The following ADCY9 variants were observed in gnomAD, a reference collection of about 807,000 sequenced individuals.
ADCY9 encodes adenylate cyclase 9, also known as adenylate cyclase type 9.
Under a neutral mutation model 101.5 loss-of-function variants are expected in ADCY9, and 50 were observed. That is an observed-to-expected ratio of 0.49 (90% confidence interval 0.39 to 0.62). ADCY9 has a LOEUF of 0.62. Among genes scored for constraint, ADCY9 ranks in the 20% least tolerant of loss-of-function variants. The pLI, the probability that ADCY9 is intolerant of heterozygous loss-of-function variation, is 0.00. For missense variants in ADCY9, 1,662 were observed against 1,800.4 expected (o/e 0.92, Z 1.39); for synonymous variants, 905 against 769.3 (o/e 1.18, Z -2.92).
chr16:3,979,279 C>A lies in ADCY9; in HGVS notation c.2520-4G>T, dbSNP rs756622742. On this transcript the variant is annotated splice_polypyrimidine_tract_variant and splice_region_variant and intron_variant, in intron 7 of 10. Transcript: ENST00000294016. The stretch of plus-strand genomic sequence containing the variant: ...GTCCTCCAGGAAGAACACCATCCTG[C>A]GAGAGGCATGGGGGTTAGCAGGAGC... The A allele has an allele frequency of 1.9e-6, 3 of 1,613,444 alleles. No individual in the cohort carries two copies. Among genetic ancestry groups the A allele is most frequent in the Middle Eastern group, 1.7e-4 (1 of 6,040 alleles).
chr16:3,967,948 C>T (rs2056014218), intron 10 of ADCY9, among the ~76,000 whole-genome samples: 1 of 151,944 alleles, frequency 6.6e-6, no homozygotes. Flanking sequence ...ATCAGCTTGC[C>T]TTAAAGTGCT....
At chr16:4,074,590 G>A (rs1056067177) in intron 2 of ADCY9, among the ~76,000 whole-genome samples, 1 of 151,308 alleles carries the variant, frequency 6.6e-6, no homozygotes, top group African/African-American at 2.4e-5. Context: ...GGTGGTGTAC[G>A]CCTATATTCC....
intron 2 of ADCY9, among the ~76,000 whole-genome samples, chr16:4,108,085 C>A (rs1266048261): frequency 6.6e-6 from 1 of 152,186 alleles, no homozygotes; most frequent in Admixed American, 6.5e-5. Flanking sequence ...GAGATATGAC[C>A]ATGGGTGTGG....
chr16:4,097,084 G>A (rs1455316937), intron 2 of ADCY9, among the ~76,000 whole-genome samples: 5 of 152,042 alleles, frequency 3.3e-5, no homozygotes, highest in African/African-American at 1.2e-4. Context: ...ATCTTACAAA[G>A]CTTAAAAACA....
In ADCY9 at chr16:4,008,665, G is replaced by T. The variant is rs536084614; in HGVS notation, c.1694-1107C>A. Among the ~76,000 whole-genome samples the T allele has an allele frequency of 2.4e-3, 358 of 151,920 alleles. 2 individuals carry two copies. The highest frequency in any genetic ancestry group is 4.0e-3 in the Non-Finnish European group (274 of 67,976). ...CAGCTCACTGCAGCCTCCACCTCCT[G>T]GGTTCAAGCAATTCTCCTGACTCAG... On this transcript the variant is annotated intron_variant, in intron 2 of 10. Coordinates refer to ENST00000294016, the MANE Select transcript of ADCY9 (RefSeq NM_001116.4).
At position 4,049,367 on chromosome 16, in the gene ADCY9, C is replaced by T. The variant is rs149757000; in HGVS notation, c.1694-41809G>A. Among the ~76,000 whole-genome samples, 99 of 152,208 alleles carry T rather than the reference C, an allele frequency of 6.5e-4. 1 individual carries two copies. In the Middle Eastern group the frequency reaches 0.014, roughly 21 times the overall value. ...CCCACCCCTAGCTGCCCATAGATGA[C>T]CAGGCACAGGCACCCACCACCGACA... On this transcript the variant is annotated intron_variant, in intron 2 of 10. Coordinates refer to ENST00000294016, the MANE Select transcript of ADCY9 (RefSeq NM_001116.4).
rs1486414978 is a variant in ADCY9 at position 3,965,926 on chromosome 16, G to C, written c.3911C>G (p.Ala1304Gly). 61 of 1,614,056 alleles carry C rather than the reference G, an allele frequency of 3.8e-5. No individual in the cohort carries two copies. The highest frequency in any genetic ancestry group is 5.1e-5 in the Non-Finnish European group (60 of 1,180,044). Residue 1304 changes from alanine to glycine, a missense_variant, in exon 11 of 11, where the codon GCC (alanine) becomes GGC (glycine). Physicochemically the swap from Ala to Gly is moderately conservative, Grantham distance 60. Around this residue, in one of 5 missense-constraint regions of ADCY9, gnomAD observed 168 missense variants for 155.3 expected, o/e 1.08. Transcript: ENST00000294016. ...GSDSSTQAKD[A>G]HLSPKRPWKE... ...CCACGGTCTCTTGGGGGACAGGTGG[G>C]CATCCTTGGCCTGCGTGCTGCTGTC...
intron 2 of ADCY9, among the ~76,000 whole-genome samples, chr16:4,061,928 T>C (rs1457627107): frequency 6.6e-6 from 1 of 152,352 alleles, no homozygotes; most frequent in African/African-American, 2.4e-5. Flanking sequence ...AGATATCATA[T>C]ACATGACATA....
chr16:4,047,540 G>C (rs575303261), intron 2 of ADCY9, among the ~76,000 whole-genome samples: 20 of 152,156 alleles, frequency 1.3e-4, no homozygotes, highest in African/African-American at 4.3e-4. Flanking sequence ...GTAACCAATG[G>C]GCTTCTGTGT....
At chr16:4,003,799 G>A (rs1331255630) in intron 3 of ADCY9, among the ~76,000 whole-genome samples, 2 of 152,036 alleles carry the variant, frequency 1.3e-5, no homozygotes, top group African/African-American at 2.4e-5. Flanking sequence ...CCTGCCCGCC[G>A]TGGTCCGCCT....
At chr16:3,969,604 AT>A (rs2141674688) in intron 10 of ADCY9, among the ~76,000 whole-genome samples, 1 of 67,744 alleles carries the variant, frequency 1.5e-5, no homozygotes, top group African/African-American at 8.5e-5. Context: ...ATATATATAT[AT>A]ATATGTATTT....
intron 3 of ADCY9, among the ~76,000 whole-genome samples, chr16:3,995,819 G>T (rs1341581391): frequency 1.3e-5 from 2 of 152,106 alleles, no homozygotes; most frequent in African/African-American, 4.8e-5. Context: ...TGTATAGTTT[G>T]GGAATCTGAT....
intron 6 of ADCY9, among the ~76,000 whole-genome samples, chr16:3,986,956 C>T (rs1017919611): frequency 3.9e-5 from 6 of 152,224 alleles, no homozygotes; most frequent in Non-Finnish European, 7.3e-5. Flanking sequence ...AAGTCCATGG[C>T]ATGGGAGCCG....
At chr16:3,962,131 G>C (rs548784802), downstream of ADCY9, among the ~76,000 whole-genome samples, 172 of 152,298 alleles carry the variant, frequency 1.1e-3, 1 homozygote, top group South Asian at 0.018. Flanking sequence ...GCGGGAGTGT[G>C]GTGAACTCCC....
intron 2 of ADCY9, among the ~76,000 whole-genome samples, chr16:4,053,432 G>A (rs933671642): frequency 6.6e-6 from 1 of 152,090 alleles, no homozygotes; most frequent in East Asian, 1.9e-4. Flanking sequence ...AAGAGCTCTC[G>A]ACGGAAACAG....
intron 2 of ADCY9, among the ~76,000 whole-genome samples, chr16:4,028,723 AATG>A (rs1452156552): frequency 6.6e-6 from 1 of 152,178 alleles, no homozygotes; most frequent in Non-Finnish European, 1.5e-5. Context: ...ATAGTGTGCA[AATG>A]ATACCTTAGT....
intron 5 of ADCY9, among the ~76,000 whole-genome samples, chr16:3,956,560 G>A (rs1452070876): frequency 3.6e-5 from 5 of 140,544 alleles, no homozygotes; most frequent in African/African-American, 1.3e-4. Flanking sequence ...GCATGATCTT[G>A]GCTCACTGAA....
rs35732229 is a variant in ADCY9 at position 4,097,553 on chromosome 16, A to ATTT, written c.1693+16194_1693+16196dup. 5.9e-3 allele frequency among the ~76,000 whole-genome samples: 314 copies of ATTT among 53,344 alleles called. 8 individuals carry two copies. The highest frequency in any genetic ancestry group is 0.029 in the Middle Eastern group (2 of 68). The allele number at this position is 53,344 out of a possible 152,430, so 35.0% of individuals were successfully genotyped here. A position where few individuals can be genotyped will look rare whatever the true frequency, so the allele number is the denominator to read the frequency against. On this transcript the variant is annotated intron_variant, in intron 2 of 10. Transcript: ENST00000294016. Reference sequence around the variant, plus strand: ...CATATATATATATATATATATATATATTTTTTTTTTTTTTTTTTAAGACAG... The same window carrying ATTT: ...CATATATATATATATATATATATATATTTTTTTTTTTTTTTTTTTTTAAGACAG...
chr16:4,045,594 T>A (rs866149366), intron 2 of ADCY9, among the ~76,000 whole-genome samples: 34 of 64,964 alleles, frequency 5.2e-4, no homozygotes, highest in Non-Finnish European at 7.6e-4. Context: ...GACTCTGCCT[T>A]AAAAAAAAAA....
Sources: gnomAD v4.1 joint callset for allele counts (sites outside exome capture counted in the v4.1 genomes callset) on GRCh38, gnomAD v4.1.1 for gene constraint, gnomAD v4.1.1 regional missense constraint, MANE v1.5 for transcripts, NCBI Gene and HGNC (gene_info 2026-07-23, HGNC 2026-07-21) for gene names.